The following CDH18 variants were observed in gnomAD, a reference collection of about 807,000 sequenced individuals.
CDH18 encodes the protein cadherin 18, also known as cadherin-18.
In CDH18, 31 loss-of-function variants were observed where a neutral mutation model predicts 67.9. The observed-to-expected ratio is 0.46, with a 90% CI of 0.34 to 0.62. The LOEUF is 0.62. Ranked by LOEUF, CDH18 falls within the 20% of genes least tolerant of loss-of-function variation. The pLI, the probability that CDH18 is intolerant of heterozygous loss-of-function variation, is 0.01. For synonymous variants in CDH18, 362 were observed against 347.2 expected, an observed-to-expected ratio of 1.04 and a Z score of -0.48; for missense variants, 890 against 975.5, an observed-to-expected ratio of 0.91 and a Z score of 1.17.
At chr5:20,245,636 A>T (rs1743317644) in intron 2 of CDH18, among the ~76,000 whole-genome samples, 1 of 152,134 alleles carries the variant, frequency 6.6e-6, no homozygotes, top group South Asian at 2.1e-4. Context: ...CATTGTAATT[A>T]CTCAAAAATG....
chr5:19,961,548 G>T (rs950832884), intron 2 of CDH18, among the ~76,000 whole-genome samples: 5 of 152,048 alleles, frequency 3.3e-5, no homozygotes, highest in African/African-American at 1.2e-4. Context: ...ATGATGGAGT[G>T]TACCCACTTC....
At chr5:19,501,235 T>TTA (rs971090489) in intron 11 of CDH18, among the ~76,000 whole-genome samples, 12 of 143,384 alleles carry the variant, frequency 8.4e-5, no homozygotes, top group South Asian at 4.2e-4. Context: ...ATAATTACAA[T>TTA]TATATATATA....
At chr5:19,652,852 C>A (rs1271292045) in intron 5 of CDH18, among the ~76,000 whole-genome samples, 1 of 151,964 alleles carries the variant, frequency 6.6e-6, no homozygotes, top group Non-Finnish European at 1.5e-5. Context: ...TATAAATAAA[C>A]GTTTTCTTTA....
Position 19,512,135 on chromosome 5 carries a change from G to T in CDH18, c.1512+8522C>A, listed in dbSNP as rs78955078. ...AAGTATCAATTAAGCCAAGAGCAAG[G>T]GCTGGGTGTTATTGGCCTAGATTTG... On this transcript the variant is annotated intron_variant, in intron 10 of 12. Transcript: ENST00000382275. Among the ~76,000 whole-genome samples the T allele has an allele frequency of 9.1e-3, 1,383 of 152,264 alleles. 25 individuals carry two copies. Among genetic ancestry groups the T allele is most frequent in the African/African-American group, 0.032 (1,323 of 41,552 alleles).
At chr5:20,062,140 A>AATT (rs113839953) in intron 2 of CDH18, among the ~76,000 whole-genome samples, 9,145 of 137,868 alleles carry the variant, frequency 0.066, 347 homozygotes, top group East Asian at 0.15. Context: ...TTAAGCCCAG[A>AATT]ATTATTATTA....
intron 2 of CDH18, among the ~76,000 whole-genome samples, chr5:20,189,891 C>T (rs1436650506): frequency 6.6e-6 from 1 of 152,122 alleles, no homozygotes; most frequent in South Asian, 2.1e-4. Context: ...CTGAAGGTGG[C>T]CTGTGCAGAT....
At chr5:20,501,554 A>AT (rs1561069076) in intron 1 of CDH18, among the ~76,000 whole-genome samples, 1 of 26,678 alleles carries the variant, frequency 3.7e-5, no homozygotes, top group Admixed American at 9.4e-4. Context: ...TATTATATAT[A>AT]TAATATATAT....
intron 3 of CDH18, among the ~76,000 whole-genome samples, chr5:19,798,300 T>G (rs181193220): frequency 6.6e-6 from 1 of 152,174 alleles, no homozygotes; most frequent in Admixed American, 6.5e-5. Context: ...TGAAAAATAT[T>G]GCCAATGAGG....
At chr5:20,155,387 A>C (rs930192130) in intron 2 of CDH18, among the ~76,000 whole-genome samples, 5 of 152,056 alleles carry the variant, frequency 3.3e-5, no homozygotes, top group African/African-American at 1.2e-4. Context: ...ATGTCTGTAC[A>C]CGTTCTTTGC....
chr5:20,442,182 C>G (rs1749659594), intron 1 of CDH18, among the ~76,000 whole-genome samples: 1 of 151,784 alleles, frequency 6.6e-6, no homozygotes, highest in Non-Finnish European at 1.5e-5. Context: ...ACACGGTTGG[C>G]TTACCACTGC....
At chr5:19,798,260 T>G (rs1266955078) in intron 3 of CDH18, among the ~76,000 whole-genome samples, 1 of 152,066 alleles carries the variant, frequency 6.6e-6, no homozygotes, top group East Asian at 1.9e-4. Context: ...AACATCCTGG[T>G]TCTAATATCA....
intron 2 of CDH18, among the ~76,000 whole-genome samples, chr5:20,137,289 T>C (rs183175517): frequency 3.9e-5 from 6 of 152,258 alleles, no homozygotes; most frequent in African/African-American, 1.4e-4. Flanking sequence ...TTCTTTTTAC[T>C]CTTTTTTCTC....
chr5:20,010,869 A>G (rs996566816), intron 2 of CDH18, among the ~76,000 whole-genome samples: 6 of 152,158 alleles, frequency 3.9e-5, no homozygotes, highest in Non-Finnish European at 8.8e-5. Flanking sequence ...TCTCACGTGT[A>G]TACCTCTAGA....
At chr5:20,472,699 C>T (rs1215319929) in intron 1 of CDH18, among the ~76,000 whole-genome samples, 1 of 152,176 alleles carries the variant, frequency 6.6e-6, no homozygotes, top group Non-Finnish European at 1.5e-5. Flanking sequence ...TATTCAACAG[C>T]GTGCTATGTT....
intron 2 of CDH18, among the ~76,000 whole-genome samples, chr5:19,902,888 C>T (rs1370205992): frequency 6.6e-6 from 1 of 151,938 alleles, no homozygotes; most frequent in East Asian, 1.9e-4. Context: ...TGAAGCACCC[C>T]GTATTGTATC....
intron 1 of CDH18, among the ~76,000 whole-genome samples, chr5:20,549,728 A>G (rs1341823815): frequency 6.6e-6 from 1 of 152,172 alleles, no homozygotes; most frequent in East Asian, 1.9e-4. Context: ...AAACCGCTAT[A>G]GTAATTCAGG....
At chr5:19,599,881 T>C (rs1746798987) in intron 6 of CDH18, among the ~76,000 whole-genome samples, 1 of 151,994 alleles carries the variant, frequency 6.6e-6, no homozygotes, top group Non-Finnish European at 1.5e-5. Flanking sequence ...AGCGAGACTG[T>C]GTCTCAATAA....
intron 1 of CDH18, among the ~76,000 whole-genome samples, chr5:20,405,144 A>G (rs1746126098): frequency 6.6e-6 from 1 of 152,186 alleles, no homozygotes; most frequent in African/African-American, 2.4e-5. Context: ...TCCTAAGCCA[A>G]AAGAACAAAG....
intron 9 of CDH18, among the ~76,000 whole-genome samples, chr5:19,541,225 T>C (rs1750218635): frequency 6.6e-6 from 1 of 152,138 alleles, no homozygotes; most frequent in South Asian, 2.1e-4. Context: ...TGGACTTTAT[T>C]GTTTATATCA....
Sources: gnomAD v4.1 joint callset for allele counts (sites outside exome capture counted in the v4.1 genomes callset) on GRCh38, gnomAD v4.1.1 for gene constraint, MANE v1.5 for transcripts, NCBI Gene and HGNC (gene_info 2026-07-23, HGNC 2026-07-21) for gene names.